Variants in TMEM132B observed in about 807,000 individuals in gnomAD.
The protein encoded by TMEM132B is transmembrane protein 132B.
A neutral mutation model predicts 90.8 loss-of-function variants in TMEM132B; 18 were observed. The observed-to-expected ratio is 0.20, with a 90% CI of 0.14 to 0.29. TMEM132B has a LOEUF of 0.29. Among genes scored for constraint, TMEM132B ranks in the 10% least tolerant of loss-of-function variants. The pLI is 1.00. For synonymous variants in TMEM132B, 504 were observed against 523.3 expected, an observed-to-expected ratio of 0.96 and a Z score of 0.50; for missense variants, 1,096 against 1,326.8, an observed-to-expected ratio of 0.83 and a Z score of 2.70.
chr12:125,387,173 G>T (rs1878864333), intron 2 of TMEM132B, among the ~76,000 whole-genome samples: 1 of 151,390 alleles, frequency 6.6e-6, no homozygotes, highest in South Asian at 2.1e-4. Context: ...GATGGTGGGG[G>T]GGTGGGTAGA....
At chr12:125,536,270 G>T (rs1883794165) in intron 4 of TMEM132B, among the ~76,000 whole-genome samples, 1 of 152,214 alleles carries the variant, frequency 6.6e-6, no homozygotes, top group Non-Finnish European at 1.5e-5. Context: ...TCCTTAAGAG[G>T]CGCCATCTCC....
chr12:125,568,756 GGT>G (rs1884721438), intron 4 of TMEM132B, among the ~76,000 whole-genome samples: 1 of 152,216 alleles, frequency 6.6e-6, no homozygotes, highest in East Asian at 1.9e-4. Flanking sequence ...TAAAGAAGCG[GGT>G]GTGTAGCTGG....
chr12:125,284,030 C>T (rs1875275033), intron 1 of TMEM132B, among the ~76,000 whole-genome samples: 1 of 152,192 alleles, frequency 6.6e-6, no homozygotes, highest in Non-Finnish European at 1.5e-5. Context: ...CTCAGTTCTA[C>T]CCCAGGATGG....
At position 125,492,844 on chromosome 12, in the gene TMEM132B, C is replaced by T. The variant is rs1284020139; in HGVS notation, c.1107-26595C>T. Among the ~76,000 whole-genome samples, 1 of 152,140 alleles carries T rather than the reference C, an allele frequency of 6.6e-6. No individual in the cohort carries two copies. Among genetic ancestry groups the T allele is most frequent in the Non-Finnish European group, 1.5e-5 (1 of 68,012 alleles). The stretch of plus-strand genomic sequence containing the variant: ...GCTCCAGGGATAGACACAGCGCCAA[C>T]CAAAGGCTCAGTTCCACCCTCAAGA... On this transcript the variant is annotated intron_variant, in intron 3 of 8. Transcript: ENST00000682704. This position sits in a 1 kb window ranked among gnomAD's most constrained non-coding sequence, Gnocchi z 5.8.
intron 2 of TMEM132B, among the ~76,000 whole-genome samples, chr12:125,396,599 ACCT>A (rs1879175616): frequency 6.6e-6 from 1 of 150,490 alleles, no homozygotes; most frequent in Non-Finnish European, 1.5e-5. Flanking sequence ...TGCAGCCTTG[ACCT>A]CCTGGGCTCA....
At chr12:125,250,415 C>T (rs934238657) in intron 1 of TMEM132B, among the ~76,000 whole-genome samples, 5 of 152,246 alleles carry the variant, frequency 3.3e-5, no homozygotes, top group African/African-American at 9.6e-5. Flanking sequence ...TTGACGCCCT[C>T]GTGTCTGTGG....
rs200246299 is a variant in TMEM132B at position 125,415,561 on chromosome 12, G to A, written c.990G>A (p.Thr330=). ...AGGCGGCAGCAGGTGTGAAGATAAC[G>A]GCAGTGAGAGTCAGCAGTGAGGACC... ...RIKAAAGVKI[T]AVRVSSEDQW... Residue 330 remains threonine (T), a synonymous_variant, in exon 3 of 9, where the codon ACG becomes ACA. Transcript: ENST00000682704. This position sits in a 1 kb window ranked among gnomAD's most constrained non-coding sequence, Gnocchi z 5.3. 246 of 1,614,152 alleles carry A rather than the reference G, an allele frequency of 1.5e-4. 1 individual carries two copies. The African/African-American group carries it at 2.9e-3, about 19-fold the overall frequency.
At chr12:125,332,736 C>G (rs1046011777) in intron 1 of TMEM132B, among the ~76,000 whole-genome samples, 1 of 151,906 alleles carries the variant, frequency 6.6e-6, no homozygotes, top group African/African-American at 2.4e-5. Context: ...ACGCTAAAAA[C>G]TCGTCTTACA....
chr12:125,282,977 A>G (rs1875241448), intron 1 of TMEM132B, among the ~76,000 whole-genome samples: 1 of 152,190 alleles, frequency 6.6e-6, no homozygotes, highest in Non-Finnish European at 1.5e-5. Flanking sequence ...GTACAGCCCG[A>G]GAGCTTGGTG....
At chr12:125,494,258 T>C (rs1478031367) in intron 3 of TMEM132B, among the ~76,000 whole-genome samples, 8 of 57,520 alleles carry the variant, frequency 1.4e-4, no homozygotes, top group Admixed American at 4.7e-4. Context: ...CTCTTCCCCC[T>C]CCTCCCTGGA....
At chr12:125,414,906 C>T (rs440944) in intron 2 of TMEM132B, among the ~76,000 whole-genome samples, 27,765 of 152,158 alleles carry the variant, frequency 0.18, 3,103 homozygotes, top group South Asian at 0.34. Flanking sequence ...TGTGAACTCT[C>T]CTTGGCCTTT....
At chr12:125,496,842 C>T (rs564650475) in intron 3 of TMEM132B, among the ~76,000 whole-genome samples, 2 of 152,326 alleles carry the variant, frequency 1.3e-5, no homozygotes, top group Admixed American at 1.3e-4. Flanking sequence ...TCTGTTAGTG[C>T]AGACTTTCTT....
At chr12:125,205,621 G>A (rs945607506) in intron 1 of TMEM132B, among the ~76,000 whole-genome samples, 16 of 152,232 alleles carry the variant, frequency 1.1e-4, no homozygotes, top group South Asian at 2.1e-4. Context: ...CAGCTGGGGC[G>A]GGCATGGCCG....
At chr12:125,280,355 G>A (rs760355823) in intron 1 of TMEM132B, among the ~76,000 whole-genome samples, 1 of 152,144 alleles carries the variant, frequency 6.6e-6, no homozygotes, top group African/African-American at 2.4e-5. Flanking sequence ...CAATTATTAT[G>A]TGACAATTAA....
chr12:125,589,279 G>C (rs182275514), intron 5 of TMEM132B, among the ~76,000 whole-genome samples: 3 of 152,020 alleles, frequency 2.0e-5, no homozygotes, highest in Admixed American at 6.5e-5. Context: ...TCAGGAGATC[G>C]AGACCATCCT....
In TMEM132B at chr12:125,490,939, C is replaced by CA. The variant is rs1487794324; in HGVS notation, c.1107-28499dup. Reference sequence around the variant, plus strand: ...GAAGTTAGCTACCATGGTGTAAGGACACTCAAGCAGCTTTATGGAGAGGCC... The same window carrying CA: ...GAAGTTAGCTACCATGGTGTAAGGACAACTCAAGCAGCTTTATGGAGAGGCC... On this transcript the variant is annotated intron_variant, in intron 3 of 8. Transcript: ENST00000682704. This position sits in a 1 kb window ranked among gnomAD's most constrained non-coding sequence, Gnocchi z 4.2. Among the ~76,000 whole-genome samples, 2 of 152,188 alleles carry CA rather than the reference C, an allele frequency of 1.3e-5. No homozygotes were observed. Among genetic ancestry groups the CA allele is most frequent in the African/African-American group, 4.8e-5 (2 of 41,454 alleles).
intron 1 of TMEM132B, among the ~76,000 whole-genome samples, chr12:125,211,589 G>C (rs1482308757): frequency 6.6e-6 from 1 of 152,180 alleles, no homozygotes; most frequent in East Asian, 1.9e-4. Flanking sequence ...ACTCAGTGAG[G>C]AGTAGGGTGG....
At chr12:125,541,274 A>G (rs1883948891) in intron 4 of TMEM132B, among the ~76,000 whole-genome samples, 1 of 152,228 alleles carries the variant, frequency 6.6e-6, no homozygotes, top group African/African-American at 2.4e-5. Context: ...AATATTTGTT[A>G]TTGAGCAGGA....
rs1446560438 is a variant in TMEM132B, at chr12:125,445,473, G to A, written c.1106+29796G>A. Among the ~76,000 whole-genome samples, 3 of 152,196 alleles carry A rather than the reference G, an allele frequency of 2.0e-5. No individual in the cohort carries two copies. Among genetic ancestry groups the A allele is most frequent in the African/African-American group, 7.2e-5 (3 of 41,444 alleles). ...AGCCTTTCTTCTCTGCAGTGAGTAC[G>A]GTATTTAAGCTTTGTCAGCAGAGGA... On this transcript the variant is annotated intron_variant, in intron 3 of 8. Coordinates refer to ENST00000682704, the MANE Select transcript of TMEM132B (RefSeq NM_001366854.1). The surrounding 1 kb of genome is among the most constrained non-coding windows in gnomAD (Gnocchi z 4.3).
Sources: allele counts gnomAD v4.1 joint callset (sites outside exome capture counted in the v4.1 genomes callset), GRCh38; gene constraint gnomAD v4.1.1; non-coding constraint Gnocchi (gnomAD v3.1); transcripts MANE v1.5; gene names NCBI Gene and HGNC (gene_info 2026-07-23, HGNC 2026-07-21).